DOCK3: variants seen among roughly 807,000 people sequenced by gnomAD.
The protein encoded by DOCK3 is dedicator of cytokinesis protein 3.
DOCK3 carries 60 observed loss-of-function variants against 265.6 expected under a neutral mutation model. The ratio of observed to expected loss-of-function variants is 0.23; its 90% CI spans 0.18 to 0.28. DOCK3 has a LOEUF of 0.28. DOCK3 is among the 10% of genes least tolerant of loss of function. The probability of loss-of-function intolerance (pLI) is 1.00; values close to 1 mark genes in which losing one functional copy is unlikely to be tolerated. For synonymous variants in DOCK3, 881 were observed against 938.0 expected (o/e 0.94, Z 1.11); for missense variants, 1,981 against 2,594.3 (o/e 0.76, Z 5.14).
chr3:51,344,323 A>G lies in DOCK3; in HGVS notation c.3915+2938A>G, dbSNP rs546332406. 2.6e-5 allele frequency among the ~76,000 whole-genome samples: 4 copies of G among 152,320 alleles called. No individual in the cohort carries two copies. The South Asian group carries it at 8.3e-4, about 32-fold the overall frequency. ...CCCTGCGAGGGAGCAACAAGGATAT[A>G]TAAAAGCACATATTAGGCCAGGCAA... On this transcript the variant is annotated intron_variant, in intron 38 of 52. Coordinates refer to ENST00000266037, the MANE Select transcript of DOCK3 (RefSeq NM_004947.5).
chr3:51,297,117 CAAAAAAAAA>C (rs71633066), intron 27 of DOCK3, among the ~76,000 whole-genome samples: 2 of 65,906 alleles, frequency 3.0e-5, no homozygotes, highest in Non-Finnish European at 5.0e-5. Flanking sequence ...GACTCTGTCT[CAAAAAAAAA>C]AAAAAAAAAA....
chr3:50,904,225 G>C (rs1474003339), intron 4 of DOCK3, among the ~76,000 whole-genome samples: 1 of 152,170 alleles, frequency 6.6e-6, no homozygotes, highest in African/African-American at 2.4e-5. Flanking sequence ...TTAAACATAC[G>C]TGTGCATGTG....
Position 50,910,537 on chromosome 3 carries a change from C to T in DOCK3, c.218+20456C>T, listed in dbSNP as rs1378186857. On this transcript the variant is annotated intron_variant, in intron 4 of 52. Coordinates refer to ENST00000266037, the MANE Select transcript of DOCK3 (RefSeq NM_004947.5). Reference sequence around the variant, plus strand: ...TTCAAATTTGTTCAGAACCCAGGGGCACTTTAGTGAACTGGTGGTGGGGCT... The same window carrying T: ...TTCAAATTTGTTCAGAACCCAGGGGTACTTTAGTGAACTGGTGGTGGGGCT... Among the ~76,000 whole-genome samples, 6 of 152,226 alleles carry T rather than the reference C, an allele frequency of 3.9e-5. No homozygotes were observed. In the South Asian group the frequency reaches 1.0e-3, roughly 26 times the overall value.
At position 51,360,493 on chromosome 3, in the gene DOCK3, G is replaced by A; in HGVS notation, c.4885-18G>A. ...TTTATTCTTTACTCTCTATGAAGGG[G>A]CATTCATTTCTCAACAGGAGTTTCC... On this transcript the variant is annotated intron_variant, in intron 46 of 52. Coordinates refer to ENST00000266037, the MANE Select transcript of DOCK3 (RefSeq NM_004947.5). 2 of 1,604,420 alleles carry A rather than the reference G, an allele frequency of 1.2e-6. No individual in the cohort carries two copies. The highest frequency in any genetic ancestry group is 1.7e-6 in the Non-Finnish European group (2 of 1,174,802).
intron 1 of DOCK3, among the ~76,000 whole-genome samples, chr3:50,768,970 T>G (rs1326862028): frequency 6.6e-6 from 1 of 152,158 alleles, no homozygotes; most frequent in Non-Finnish European, 1.5e-5. Flanking sequence ...AATAACTCAT[T>G]GTGATTTTGA....
intron 3 of DOCK3, among the ~76,000 whole-genome samples, chr3:50,870,516 C>T (rs2047383915): frequency 6.6e-6 from 1 of 151,666 alleles, no homozygotes; most frequent in Non-Finnish European, 1.5e-5. Context: ...GGTAAGAGTG[C>T]TTCTTGTAAG....
At chr3:51,252,582 C>T (rs998840480) in intron 22 of DOCK3, among the ~76,000 whole-genome samples, 1 of 152,140 alleles carries the variant, frequency 6.6e-6, no homozygotes, top group African/African-American at 2.4e-5. Flanking sequence ...CTTCGCATCC[C>T]TTGCTAGTTG....
At chr3:50,903,063 G>A (rs2049287105) in intron 4 of DOCK3, among the ~76,000 whole-genome samples, 1 of 152,144 alleles carries the variant, frequency 6.6e-6, no homozygotes, top group African/African-American at 2.4e-5. Context: ...AGCTTAAGAA[G>A]CTTTTGGGTT....
chr3:50,998,070 A>T (rs2078346074), intron 5 of DOCK3, among the ~76,000 whole-genome samples: 1 of 152,218 alleles, frequency 6.6e-6, no homozygotes, highest in Non-Finnish European at 1.5e-5. Context: ...TTCTATATAT[A>T]GACATTATTT....
chr3:51,035,947 A>G (rs4555554), intron 5 of DOCK3, among the ~76,000 whole-genome samples: 137,190 of 152,170 alleles, frequency 0.9, 62,035 homozygotes, highest in African/African-American at 0.95. Flanking sequence ...TTCTCCCCTC[A>G]CTAGTGCCCT....
chr3:50,908,197 C>CTTTTTTTTTTTTTTTTTTTTTAATTTTTT (rs550837883), intron 4 of DOCK3, among the ~76,000 whole-genome samples: 1 of 114,430 alleles, frequency 8.7e-6, no homozygotes, highest in Non-Finnish European at 1.8e-5. Flanking sequence ...TTTTGAAGGG[C>CTTTTTTTTTTTTTTTTTTTTTAATTTTTT]TTTTTTTTTT....
chr3:50,908,178 T>G (rs1251253848), intron 4 of DOCK3, among the ~76,000 whole-genome samples: 5 of 123,476 alleles, frequency 4.0e-5, no homozygotes, highest in Non-Finnish European at 6.4e-5. Flanking sequence ...ATTCATTGAT[T>G]TTTTTTTTTT....
intron 1 of DOCK3, among the ~76,000 whole-genome samples, chr3:50,765,958 G>A (rs545923661): frequency 1.3e-5 from 2 of 151,640 alleles, no homozygotes; most frequent in Middle Eastern, 3.4e-3. Flanking sequence ...TGGTAACCGC[G>A]GTCCTATTCT....
rs544416825 is a variant in DOCK3, at chr3:50,776,229, A to G, written c.38-2446A>G. Among the ~76,000 whole-genome samples the G allele has an allele frequency of 3.3e-5, 5 of 152,152 alleles. No homozygotes were observed. In the East Asian group the frequency reaches 9.6e-4, roughly 29 times the overall value. On this transcript the variant is annotated intron_variant, in intron 1 of 52. Coordinates refer to ENST00000266037, the MANE Select transcript of DOCK3 (RefSeq NM_004947.5). ...AGCAGTGTAAAAGTGTTCCTTTTTC[A>G]CTACTTCCATGCCAACATCTATTGT... is the stretch of plus-strand genomic sequence containing the variant.
chr3:51,049,513 G>A (rs2080908451), intron 5 of DOCK3, among the ~76,000 whole-genome samples: 1 of 151,938 alleles, frequency 6.6e-6, no homozygotes, highest in Non-Finnish European at 1.5e-5. Flanking sequence ...TCTTTCGAGG[G>A]TACTAAATAA....
chr3:50,985,830 AAATT>A (rs1298022306), intron 5 of DOCK3, among the ~76,000 whole-genome samples: 7 of 151,652 alleles, frequency 4.6e-5, no homozygotes, highest in African/African-American at 1.7e-4. Flanking sequence ...TTATTAAATT[AAATT>A]AATTAAATTA....
intron 4 of DOCK3, among the ~76,000 whole-genome samples, chr3:50,909,879 T>A (rs1275825830): frequency 6.6e-6 from 1 of 152,028 alleles, no homozygotes; most frequent in Non-Finnish European, 1.5e-5. Flanking sequence ...TTTGGTCTTT[T>A]TATGTAATCC....
chr3:50,723,540 C>G (rs1475166124), intron 1 of DOCK3, among the ~76,000 whole-genome samples: 1 of 152,116 alleles, frequency 6.6e-6, no homozygotes, highest in African/African-American at 2.4e-5. Flanking sequence ...AGAAATAACA[C>G]CACACATCTA....
intron 5 of DOCK3, among the ~76,000 whole-genome samples, chr3:50,959,782 G>T (rs1016482900): frequency 6.6e-6 from 1 of 151,752 alleles, no homozygotes; most frequent in African/African-American, 2.4e-5. Context: ...GGGTTTCACC[G>T]TGTTAGCCAG....
Sources: allele counts gnomAD v4.1 joint callset (sites outside exome capture counted in the v4.1 genomes callset), GRCh38; gene constraint gnomAD v4.1.1; transcripts MANE v1.5; gene names NCBI Gene and HGNC (gene_info 2026-07-23, HGNC 2026-07-21).